SREBF1: variants seen among roughly 807,000 people sequenced by gnomAD.
SREBF1 encodes the protein sterol regulatory element-binding protein 1.
SREBF1 carries 45 observed loss-of-function variants against 100.1 expected under a neutral mutation model. The ratio of observed to expected loss-of-function variants is 0.45; its 90% CI spans 0.35 to 0.58. The LOEUF is 0.58. SREBF1 is among the 20% of genes least tolerant of loss of function. The pLI, the probability that SREBF1 is intolerant of heterozygous loss-of-function variation, is 0.00. For synonymous variants in SREBF1, 657 were observed against 681.8 expected (o/e 0.96, Z 0.57); for missense variants, 1,324 against 1,539.4 (o/e 0.86, Z 2.34).
rs1832728272 is a variant in SREBF1, at chr17:17,817,416, C to T, written c.1446G>A (p.Met482Ile). The T allele has an allele frequency of 6.3e-7, 1 of 1,596,474 alleles. No homozygotes were observed. The highest frequency in any genetic ancestry group is 1.7e-5 in the Admixed American group (1 of 57,968). Reference protein sequence around the residue: ...EQRPSLHSRGMLDRSRLALCT... With the variant: ...EQRPSLHSRGILDRSRLALCT... ...ACAGGGCCAGGCGGGAGCGGTCCAGCATGCCCCGGCTGTGCAGAGACGGCC... is the reference window on the plus strand; with the variant it reads ...ACAGGGCCAGGCGGGAGCGGTCCAGTATGCCCCGGCTGTGCAGAGACGGCC... The change falls in exon 8 of 19, where the codon ATG (methionine) becomes ATA (isoleucine). Residue 482 changes from methionine to isoleucine, a missense_variant. Coordinates refer to ENST00000261646, the MANE Select transcript of SREBF1 (RefSeq NM_004176.5). The surrounding 1 kb of genome is among the most constrained non-coding windows in gnomAD (Gnocchi z 6.6).
chr17:17,813,675 C>T lies in SREBF1; in HGVS notation c.2996G>A (p.Gly999Asp), dbSNP rs979389983. The change falls in exon 17 of 19, where the codon GGC (glycine) becomes GAC (aspartate). Residue 999 changes from glycine (G) to aspartate (D), a missense_variant. Physicochemically the swap from Gly to Asp is moderately conservative, Grantham distance 94. Coordinates refer to ENST00000261646, the MANE Select transcript of SREBF1 (RefSeq NM_004176.5). ...GGAAGCCTGGGGCCTGCTGCTGGTG[C>T]CCTGGGCTGCTGGGGCCGGGGCCGG... ...QPPAPAPAAQ[G>D]TSSRPQASAL... The T allele has an allele frequency of 5.8e-6, 9 of 1,548,952 alleles. No homozygotes were observed. The Admixed American group carries it at 7.6e-5, about 13-fold the overall frequency.
rs1003896623 is a variant in SREBF1 at position 17,816,526 on chromosome 17, C to T, written c.1978G>A (p.Val660Met). The change falls in exon 10 of 19, where the codon GTG becomes ATG. Residue 660 changes from valine (V) to methionine (M), a missense_variant. Transcript: ENST00000261646. The part of the protein sequence containing the change: ...GGLQQDCALR[V>M]DASASARDAA... The stretch of plus-strand genomic sequence containing the variant: ...TCTCGGGCGCTGGCGCTAGCATCCA[C>T]TCGCAGAGCACAGTCCTGCTGCAGG... 44 of 1,603,168 alleles carry T rather than the reference C, an allele frequency of 2.7e-5. No homozygotes were observed. Among genetic ancestry groups the T allele is most frequent in the Non-Finnish European group, 3.7e-5 (43 of 1,175,894 alleles).
Position 17,817,527 on chromosome 17 carries a change from G to C in SREBF1, c.1405-70C>G. On this transcript the variant is annotated intron_variant, in intron 7 of 18. Coordinates refer to ENST00000261646, the MANE Select transcript of SREBF1 (RefSeq NM_004176.5). The surrounding 1 kb of genome is among the most constrained non-coding windows in gnomAD (Gnocchi z 6.6). ...CCAGAGAGCATGGGGCTGGGAAGGG[G>C]GGGGTCAGGATTCTGCCCACCTTAC... 1 of 1,541,288 alleles carries C rather than the reference G, an allele frequency of 6.5e-7. No homozygotes were observed. Among genetic ancestry groups the C allele is most frequent in the South Asian group, 1.2e-5 (1 of 84,178 alleles).
At chr17:17,820,744 C>A (rs1261844993) in intron 1 of SREBF1, 2 of 606,070 alleles carry the variant, frequency 3.3e-6, no homozygotes, top group African/African-American at 3.6e-5. Context: ...CCTGCTGCTG[C>A]GAGTGCATCA....
chr17:17,830,583 T>G (rs976160714), intron 1 of SREBF1, among the ~76,000 whole-genome samples: 1 of 152,222 alleles, frequency 6.6e-6, no homozygotes, highest in Non-Finnish European at 1.5e-5. Flanking sequence ...AGGGGCAGCA[T>G]GCAGAGGCAA....
rs560879600 is a variant in SREBF1, at chr17:17,814,674, C to T, written c.2676G>A (p.Glu892=). 9 of 1,580,288 alleles carry T rather than the reference C, an allele frequency of 5.7e-6. No individual in the cohort carries two copies. The East Asian group carries it at 1.9e-4, about 33-fold the overall frequency. Residue 892 remains glutamate (E), a synonymous_variant, in exon 15 of 19, where the codon GAG becomes GAA. Coordinates refer to ENST00000261646, the MANE Select transcript of SREBF1 (RefSeq NM_004176.5). ...CCAGCGGGCACAGCCGCTCAGCCGC[C>T]TCCTCATCCCGCCGCAGCCAGTGGA... ...VVIHWLRRDE[E]AAERLCPLVE... is the part of the protein sequence containing the mutation.
intron 1 of SREBF1, among the ~76,000 whole-genome samples, chr17:17,825,357 T>C (rs900827349): frequency 4.0e-5 from 6 of 151,800 alleles, no homozygotes; most frequent in African/African-American, 9.7e-5. Context: ...GGTTGCTCTC[T>C]GAGCCCCAGG....
rs2034019400 is a variant in SREBF1, at chr17:17,820,458, G to A, written c.155C>T (p.Ala52Val). 10 of 1,614,100 alleles carry A rather than the reference G, an allele frequency of 6.2e-6. No homozygotes were observed. The highest frequency in any genetic ancestry group is 7.6e-6 in the Non-Finnish European group (9 of 1,180,008). The change falls in exon 2 of 19, where the codon GCT becomes GTT. Residue 52 changes from alanine to valine, a missense_variant. Ala to Val is a moderately conservative substitution (Grantham distance 64). Transcript: ENST00000261646. ...GTCTGTGCCCCCTGCCCCACTCCCA[G>A]CATAGGGTGGGTCAAATAGGCCAGG... ...DFPGLFDPPY[A>V]GSGAGGTDPA...
At chr17:17,827,722 C>T (rs1285684754) in intron 1 of SREBF1, among the ~76,000 whole-genome samples, 3 of 152,180 alleles carry the variant, frequency 2.0e-5, no homozygotes, top group Non-Finnish European at 4.4e-5. Context: ...AGTCCCACAG[C>T]TGCCATATGA....
intron 1 of SREBF1, among the ~76,000 whole-genome samples, chr17:17,835,567 G>C (rs2035173439): frequency 6.6e-6 from 1 of 152,244 alleles, no homozygotes; most frequent in South Asian, 2.1e-4. Flanking sequence ...TTCAGGCTGT[G>C]AGTCTAGGCA....
Position 17,816,345 on chromosome 17 carries a change from G to A in SREBF1, c.2076C>T (p.Ala692=), listed in dbSNP as rs770190474. Residue 692 remains alanine (A), a synonymous_variant, in exon 11 of 19, where the codon GCC becomes GCT. Coordinates refer to ENST00000261646, the MANE Select transcript of SREBF1 (RefSeq NM_004176.5). Reference sequence around the variant, plus strand: ...TCAGGGCACTCAGCGCCAGGTTGGTGGCAGTGAGGTGCCCGCCTGTGTGCT... The same window carrying A: ...TCAGGGCACTCAGCGCCAGGTTGGTAGCAGTGAGGTGCCCGCCTGTGTGCT... ...MGKHTGGHLT[A]TNLALSALNL... 3 of 1,585,352 alleles carry A rather than the reference G, an allele frequency of 1.9e-6. No individual in the cohort carries two copies. The highest frequency in any genetic ancestry group is 1.8e-5 in the Admixed American group (1 of 55,876).
At chr17:17,827,597 C>A (rs1189308483) in intron 1 of SREBF1, among the ~76,000 whole-genome samples, 1 of 152,160 alleles carries the variant, frequency 6.6e-6, no homozygotes, top group East Asian at 1.9e-4. Context: ...CCCGGGGGCA[C>A]AAGTGTGTGC....
Position 17,836,911 on chromosome 17 carries a change from G to T in SREBF1, c.-94C>A. The stretch of plus-strand genomic sequence containing the variant: ...GCCGCGGCCCCGGCTCTCAGTCGCC[G>T]CCGCCGCTCCGCGCGTTCGTGTCCT... On this transcript the variant is annotated 5_prime_UTR_variant, in exon 1 of 19. Coordinates refer to ENST00000261646, the MANE Select transcript of SREBF1 (RefSeq NM_004176.5). 1 of 1,202,406 alleles carries T rather than the reference G, an allele frequency of 8.3e-7. No individual in the cohort carries two copies. Among genetic ancestry groups the T allele is most frequent in the Non-Finnish European group, 1.1e-6 (1 of 908,992 alleles). 74.5% of individuals were successfully genotyped at this position (1,202,406 alleles called of 1,614,324 possible). A position where few individuals can be genotyped will look rare whatever the true frequency, so the allele number is the denominator to read the frequency against.
chr17:17,825,607 T>C (rs1041357501), intron 1 of SREBF1, among the ~76,000 whole-genome samples: 29 of 143,314 alleles, frequency 2.0e-4, no homozygotes, highest in South Asian at 6.8e-4. Context: ...CAATTTCTTT[T>C]TTTTTTTTTT....
chr17:17,813,943 C>A (rs1422744112), intron 16 of SREBF1, 174 bp from the exon 17 acceptor site: 2 of 743,666 alleles, frequency 2.7e-6, no homozygotes, highest in Non-Finnish European at 4.4e-6. Context: ...TCTCTCGGCC[C>A]CCACACCCGC....
chr17:17,818,929 C>G lies in SREBF1; in HGVS notation c.1068+84G>C, dbSNP rs531078297. 6.1e-6 allele frequency: 9 copies of G among 1,475,320 alleles called. No homozygotes were observed. In the African/African-American group the frequency reaches 1.2e-4, roughly 20 times the overall value. 91.4% of individuals were successfully genotyped at this position (1,475,320 alleles called of 1,614,324 possible). A position where few individuals can be genotyped will look rare whatever the true frequency, so the allele number is the denominator to read the frequency against. ...TTCCCTGCTTGTCCAGGCTCAGTCTCACTCCCTCTCTTCCTTCCAGTTGCC... is the reference window on the plus strand; with the variant it reads ...TTCCCTGCTTGTCCAGGCTCAGTCTGACTCCCTCTCTTCCTTCCAGTTGCC... On this transcript the variant is annotated intron_variant, in intron 5 of 18. Coordinates refer to ENST00000261646, the MANE Select transcript of SREBF1 (RefSeq NM_004176.5).
intron 1 of SREBF1, among the ~76,000 whole-genome samples, chr17:17,822,784 G>A (rs2034192368): frequency 6.6e-6 from 1 of 152,224 alleles, no homozygotes; most frequent in Non-Finnish European, 1.5e-5. Flanking sequence ...GGCTGCCCGA[G>A]GCTTTGCTTG....
Position 17,820,185 on chromosome 17 carries a change from G to A in SREBF1, c.428C>T (p.Ala143Val). ...QTPTPQPLPG[A>V]LLPQSFPAPA... ...GGCTGGGAAGCTCTGTGGCAGGAGG[G>A]CCCCTGGCAGGGGCTGTGGGGTGGG... The change falls in exon 2 of 19, where the codon GCC becomes GTC. Residue 143 changes from alanine to valine, a missense_variant. By Grantham distance (64) the Ala-to-Val change is moderately conservative. Coordinates refer to ENST00000261646, the MANE Select transcript of SREBF1 (RefSeq NM_004176.5). 4 of 1,613,312 alleles carry A rather than the reference G, an allele frequency of 2.5e-6. No individual in the cohort carries two copies. The highest frequency in any genetic ancestry group is 3.4e-6 in the Non-Finnish European group (4 of 1,179,730).
At chr17:17,825,617 T>C (rs1380548879) in intron 1 of SREBF1, among the ~76,000 whole-genome samples, 2 of 146,898 alleles carry the variant, frequency 1.4e-5, no homozygotes, top group African/African-American at 5.0e-5. Flanking sequence ...TTTTTTTTTT[T>C]TTTTTTTTGA....
Sources: allele counts gnomAD v4.1 joint callset (sites outside exome capture counted in the v4.1 genomes callset), GRCh38; gene constraint gnomAD v4.1.1; non-coding constraint Gnocchi (gnomAD v3.1); transcripts MANE v1.5; gene names NCBI Gene and HGNC (gene_info 2026-07-23, HGNC 2026-07-21).